Variants in ZNF385D observed in about 807,000 individuals in gnomAD.
The protein encoded by ZNF385D is zinc finger protein 659.
Under a neutral mutation model 35.8 loss-of-function variants are expected in ZNF385D, and 15 were observed. The ratio of observed to expected loss-of-function variants is 0.42; its 90% CI spans 0.28 to 0.64. ZNF385D has a LOEUF of 0.64. ZNF385D is among the 30% of genes least tolerant of loss of function. ZNF385D has a pLI of 0.23. For missense variants in ZNF385D, 474 were observed against 494.6 expected (o/e 0.96, Z 0.39); for synonymous variants, 212 against 186.8 (o/e 1.13, Z -1.10).
chr3:21,816,821 T>C (rs1201529608), intron 3 of ZNF385D, among the ~76,000 whole-genome samples: 1 of 152,140 alleles, frequency 6.6e-6, no homozygotes, highest in African/African-American at 2.4e-5. Flanking sequence ...CTTCACAGAA[T>C]TGGAAAAAAC....
intron 2 of ZNF385D, among the ~76,000 whole-genome samples, chr3:22,188,983 G>C (rs191726620): frequency 2.6e-5 from 4 of 152,208 alleles, no homozygotes; most frequent in Admixed American, 6.6e-5. Flanking sequence ...CGCTGATTTA[G>C]AGCAAGTTCT....
chr3:22,187,810 G>C (rs890994591), intron 2 of ZNF385D, among the ~76,000 whole-genome samples: 1 of 152,186 alleles, frequency 6.6e-6, no homozygotes, highest in African/African-American at 2.4e-5. Context: ...CAATAATGTA[G>C]AGTTGTCACT....
intron 2 of ZNF385D, among the ~76,000 whole-genome samples, chr3:22,228,551 GT>G: frequency 6.6e-6 from 1 of 152,210 alleles, no homozygotes; most frequent in East Asian, 1.9e-4. Context: ...TAAGTGGTCA[GT>G]TAAAATTTAG....
At chr3:22,141,558 G>A (rs1704504250) in intron 3 of ZNF385D, among the ~76,000 whole-genome samples, 1 of 152,088 alleles carries the variant, frequency 6.6e-6, no homozygotes, top group South Asian at 2.1e-4. Flanking sequence ...AGACCATCAT[G>A]GACTTCAGCC....
chr3:21,800,878 T>C (rs949027359), intron 3 of ZNF385D, among the ~76,000 whole-genome samples: 1 of 152,114 alleles, frequency 6.6e-6, no homozygotes, highest in Non-Finnish European at 1.5e-5. Flanking sequence ...TCTTGCCTAA[T>C]TGCTATGTCT....
At chr3:21,845,144 C>T (rs1695924454) in intron 3 of ZNF385D, among the ~76,000 whole-genome samples, 1 of 151,956 alleles carries the variant, frequency 6.6e-6, no homozygotes, top group Non-Finnish European at 1.5e-5. Flanking sequence ...GTCATTTATT[C>T]TCTAGTCTAC....
intron 3 of ZNF385D, among the ~76,000 whole-genome samples, chr3:22,087,713 T>TAA (rs1701119246): frequency 6.6e-6 from 1 of 152,190 alleles, no homozygotes; most frequent in Non-Finnish European, 1.5e-5. Flanking sequence ...TATTTTGGGT[T>TAA]TTGTTACTTG....
chr3:21,717,732 A>C (rs1351388889), intron 1 of ZNF385D, among the ~76,000 whole-genome samples: 3 of 152,152 alleles, frequency 2.0e-5, no homozygotes, highest in Non-Finnish European at 2.9e-5. Flanking sequence ...AACCCCTTTC[A>C]CTTGGTTCTC....
At chr3:22,283,115 T>A (rs1238332546) in intron 2 of ZNF385D, among the ~76,000 whole-genome samples, 1 of 152,108 alleles carries the variant, frequency 6.6e-6, no homozygotes, top group Non-Finnish European at 1.5e-5. Flanking sequence ...GATAAAGGAC[T>A]AGTCCAATAG....
intron 2 of ZNF385D, among the ~76,000 whole-genome samples, chr3:21,620,608 G>C (rs867859223): frequency 6.6e-6 from 1 of 152,202 alleles, no homozygotes; most frequent in Admixed American, 6.5e-5. Context: ...TGAATGTCAG[G>C]CAAGATATTT....
chr3:21,992,420 G>C (rs1032635653), intron 3 of ZNF385D, among the ~76,000 whole-genome samples: 1 of 152,142 alleles, frequency 6.6e-6, no homozygotes, highest in Non-Finnish European at 1.5e-5. Flanking sequence ...GTTTCTGTGA[G>C]TTAGAAGCAA....
intron 3 of ZNF385D, among the ~76,000 whole-genome samples, chr3:22,145,886 G>C (rs556233557): frequency 6.6e-6 from 1 of 152,158 alleles, no homozygotes; most frequent in East Asian, 1.9e-4. Context: ...AAACCTCCAA[G>C]TAGTTGGAAA....
intron 3 of ZNF385D, among the ~76,000 whole-genome samples, chr3:21,531,357 C>T (rs918507585): frequency 3.3e-5 from 5 of 152,106 alleles, no homozygotes; most frequent in African/African-American, 1.2e-4. Flanking sequence ...CAATTTCTTA[C>T]AAAACTAAAC....
chr3:21,711,594 G>C (rs187728789), intron 1 of ZNF385D, among the ~76,000 whole-genome samples: 1 of 152,248 alleles, frequency 6.6e-6, no homozygotes, highest in East Asian at 1.9e-4. Context: ...ATCTTATAGA[G>C]AAAACAGACA....
chr3:22,070,939 A>G (rs1700197584), intron 3 of ZNF385D, among the ~76,000 whole-genome samples: 1 of 152,172 alleles, frequency 6.6e-6, no homozygotes, highest in South Asian at 2.1e-4. Flanking sequence ...TATTAACAGT[A>G]TAGGTGTTAA....
rs560371799 is a variant in ZNF385D at position 21,563,868 on chromosome 3, T to C, written c.276+706A>G. 2.6e-4 allele frequency among the ~76,000 whole-genome samples: 40 copies of C among 152,228 alleles called. No homozygotes were observed. In the South Asian group the frequency reaches 8.1e-3, roughly 31 times the overall value. On this transcript the variant is annotated intron_variant, in intron 3 of 7. Coordinates refer to ENST00000281523, the MANE Select transcript of ZNF385D (RefSeq NM_024697.3). Reference sequence around the variant, plus strand: ...GGAAGAGAAGACATACATTTTTTTTTCCCATTGGCCACAGATCAAAATTAA... The same window carrying C: ...GGAAGAGAAGACATACATTTTTTTTCCCCATTGGCCACAGATCAAAATTAA...
chr3:22,264,297 C>T (rs2638159), intron 2 of ZNF385D, among the ~76,000 whole-genome samples: 59,882 of 151,806 alleles, frequency 0.39, 11,948 homozygotes, highest in Non-Finnish European at 0.4. Context: ...TAAAGGTCAG[C>T]AAGAGAAAGG....
At chr3:22,369,082 T>C (rs967810917) in intron 2 of ZNF385D, among the ~76,000 whole-genome samples, 2 of 152,154 alleles carry the variant, frequency 1.3e-5, no homozygotes, top group Non-Finnish European at 2.9e-5. Context: ...TTTAGAGTCC[T>C]TGTCAGAAAA....
intron 3 of ZNF385D, among the ~76,000 whole-genome samples, chr3:22,091,421 T>G (rs761310104): frequency 6.6e-6 from 1 of 152,134 alleles, no homozygotes; most frequent in South Asian, 2.1e-4. Flanking sequence ...AATCAAAAGA[T>G]AGCACATAAT....
Sources: gnomAD v4.1 joint callset for allele counts (sites outside exome capture counted in the v4.1 genomes callset) on GRCh38, gnomAD v4.1.1 for gene constraint, MANE v1.5 for transcripts, NCBI Gene and HGNC (gene_info 2026-07-23, HGNC 2026-07-21) for gene names.